SLC5A8: variants seen among roughly 807,000 people sequenced by gnomAD.
SLC5A8 encodes the protein solute carrier family 5 member 8, also known as sodium-coupled monocarboxylate transporter 1.
Under a neutral mutation model 71.9 loss-of-function variants are expected in SLC5A8, and 55 were observed. The observed-to-expected ratio is 0.77, with a 90% confidence interval of 0.62 to 0.96. The LOEUF is 0.96. Ranked by LOEUF, SLC5A8 falls within the 40% of genes least tolerant of loss-of-function variation. SLC5A8 has a pLI of 0.00. For missense variants in SLC5A8, 701 were observed against 745.3 expected, an observed-to-expected ratio of 0.94 and a Z score of 0.69; for synonymous variants, 307 against 276.1, an observed-to-expected ratio of 1.11 and a Z score of -1.11.
Position 101,158,324 on chromosome 12 carries a change from TCCTCCTGG to T in SLC5A8, c.1631-4_1634del. 6.3e-7 allele frequency: 1 copy of T among 1,579,550 alleles called. No homozygotes were observed. Among genetic ancestry groups the T allele is most frequent in the Non-Finnish European group, 8.6e-7 (1 of 1,158,832 alleles). ...ATCTGGGGTCTAAGTTCTGTTTTCT[TCCTCCTGG>T]AAAAAAAAATGTACATGACTTACGT... On this transcript the variant is annotated splice_acceptor_variant and splice_polypyrimidine_tract_variant and coding_sequence_variant and intron_variant, in exon 14 of 15. Coordinates refer to ENST00000536262, the MANE Select transcript of SLC5A8 (RefSeq NM_145913.5). LOFTEE classifies it high-confidence loss of function.
At chr12:101,209,475 T>TTCC in intron 1 of SLC5A8, 23 bp downstream of exon 1, 6 of 1,444,714 alleles carry the variant, frequency 4.2e-6, no homozygotes, top group African/African-American at 1.4e-5. Context: ...CCCTGCATGG[T>TTCC]CCCAGCCCAC....
intron 1 of SLC5A8, among the ~76,000 whole-genome samples, chr12:101,204,797 A>G (rs1201896220): frequency 2.0e-5 from 3 of 152,190 alleles, no homozygotes; most frequent in Non-Finnish European, 4.4e-5. Context: ...TGTCACAATC[A>G]GGACACAAGA....
At position 101,164,391 on chromosome 12, in the gene SLC5A8, C is replaced by A. The variant is rs369635491; in HGVS notation, c.1526+2103G>T. Among the ~76,000 whole-genome samples, 86 of 152,186 alleles carry A rather than the reference C, an allele frequency of 5.7e-4. 2 individuals are homozygous for A. The South Asian group carries it at 0.017, about 31-fold the overall frequency. On this transcript the variant is annotated intron_variant, in intron 12 of 14. Coordinates refer to ENST00000536262, the MANE Select transcript of SLC5A8 (RefSeq NM_145913.5). ...ATCTTAAGGGAAATACAAATTAAAA[C>A]CACAGCAAGCTACCAATGTAACCAT...
intron 14 of SLC5A8, among the ~76,000 whole-genome samples, chr12:101,157,750 G>T (rs2051679963): frequency 6.6e-6 from 1 of 152,094 alleles, no homozygotes; most frequent in African/African-American, 2.4e-5. Flanking sequence ...AGGATAGACA[G>T]ATATAGAGAG....
At chr12:101,162,192 TG>T in intron 12 of SLC5A8, 115 bp from the exon 13 acceptor site, 1 of 674,290 alleles carries the variant, frequency 1.5e-6, no homozygotes, top group East Asian at 2.5e-5. Flanking sequence ...ATGTTTTTAA[TG>T]TCATAACCTG....
rs1444698361 is a variant in SLC5A8 at position 101,168,191 on chromosome 12, A to G, written c.1234-9T>C. The G allele has an allele frequency of 6.3e-7, 1 of 1,592,632 alleles. No individual in the cohort carries two copies. Among genetic ancestry groups the G allele is most frequent in the Non-Finnish European group, 8.5e-7 (1 of 1,170,270 alleles). ...AATACGCTGAGTGCTGCCTACAAAAATAATACAACGTCAGCAATTAGCAAT... is the reference window on the plus strand; with the variant it reads ...AATACGCTGAGTGCTGCCTACAAAAGTAATACAACGTCAGCAATTAGCAAT... On this transcript the variant is annotated splice_polypyrimidine_tract_variant and intron_variant, in intron 10 of 14. Coordinates refer to ENST00000536262, the MANE Select transcript of SLC5A8 (RefSeq NM_145913.5).
intron 10 of SLC5A8, among the ~76,000 whole-genome samples, chr12:101,174,638 A>C (rs2051862505): frequency 6.6e-6 from 1 of 152,186 alleles, no homozygotes; most frequent in Non-Finnish European, 1.5e-5. Context: ...CCAGGGTTGT[A>C]AATTCCTACA....
In SLC5A8 at chr12:101,200,615, A is replaced by G. The variant is rs2671445; in HGVS notation, c.469+1549T>C. On this transcript the variant is annotated intron_variant, in intron 3 of 14. Coordinates refer to ENST00000536262, the MANE Select transcript of SLC5A8 (RefSeq NM_145913.5). ...ATATGAAATTAAGAAATTAATATTA[A>G]TATTTTAGGTACAATGATGGTATGA... Among the ~76,000 whole-genome samples the G allele has an allele frequency of 2.0e-5, 3 of 152,040 alleles. No homozygotes were observed. The East Asian group carries it at 5.8e-4, about 29-fold the overall frequency.
chr12:101,168,033 A>G (rs78712766), intron 11 of SLC5A8, 63 bp downstream of exon 11: 45,745 of 1,433,444 alleles, frequency 0.032, 976 homozygotes, highest in Non-Finnish European at 0.033. Context: ...CTGAGAAAAA[A>G]GTGTAGAGCT....
chr12:101,177,071 G>A (rs2051885870), intron 10 of SLC5A8, among the ~76,000 whole-genome samples: 1 of 152,018 alleles, frequency 6.6e-6, no homozygotes, highest in South Asian at 2.1e-4. Flanking sequence ...ATTAGGAATG[G>A]AACAGGGGCT....
At chr12:101,170,265 T>A (rs201472095) in intron 10 of SLC5A8, among the ~76,000 whole-genome samples, 1 of 152,064 alleles carries the variant, frequency 6.6e-6, no homozygotes, top group Non-Finnish European at 1.5e-5. Flanking sequence ...CCACAGGAGG[T>A]GAAAGACCCT....
rs557868289 is a variant in SLC5A8 at position 101,204,666 on chromosome 12, A to G, written c.352-101T>C. 3 of 728,738 alleles carry G rather than the reference A, an allele frequency of 4.1e-6. No individual in the cohort carries two copies. The East Asian group carries it at 8.1e-5, about 20-fold the overall frequency. 45.1% of individuals were successfully genotyped at this position (728,738 alleles called of 1,614,324 possible). On this transcript the variant is annotated intron_variant, in intron 1 of 14. Coordinates refer to ENST00000536262, the MANE Select transcript of SLC5A8 (RefSeq NM_145913.5). ...ATTTAGAAATGTAAAGCAACTTCAT[A>G]ACTGATTTGTATTCTGTATTTTTAT... is the stretch of plus-strand genomic sequence containing the variant.
intron 8 of SLC5A8, 148 bp from the exon 9 acceptor site, chr12:101,183,063 T>TTTTTTTTTG (rs1868442001): frequency 2.4e-6 from 1 of 424,406 alleles, no homozygotes. Flanking sequence ...TTTTTTTTTT[T>TTTTTTTTTG]GAGACGGAGT....
intron 5 of SLC5A8, among the ~76,000 whole-genome samples, chr12:101,191,830 G>A (rs1029366432): frequency 6.6e-6 from 1 of 152,140 alleles, no homozygotes; most frequent in African/African-American, 2.4e-5. Flanking sequence ...GCTTTTTATT[G>A]TTACTTAATG....
rs181871905 is a variant in SLC5A8, at chr12:101,170,383, A to G, written c.1234-2201T>C. 6.1e-4 allele frequency among the ~76,000 whole-genome samples: 93 copies of G among 152,264 alleles called. 3 individuals are homozygous for G. In the East Asian group the frequency reaches 0.017, roughly 28 times the overall value. ...ATAAAATTAAAAATCCTGACATTCCATATAAAATAAACATAAGAAGACTCT... is the reference window on the plus strand; with the variant it reads ...ATAAAATTAAAAATCCTGACATTCCGTATAAAATAAACATAAGAAGACTCT... On this transcript the variant is annotated intron_variant, in intron 10 of 14. Transcript: ENST00000536262.
chr12:101,206,889 T>C (rs1869701807), intron 1 of SLC5A8, among the ~76,000 whole-genome samples: 1 of 152,194 alleles, frequency 6.6e-6, no homozygotes, highest in African/African-American at 2.4e-5. Context: ...CTATCAGGAC[T>C]ACATTTTGAA....
At chr12:101,206,764 G>A (rs1812837880) in intron 1 of SLC5A8, among the ~76,000 whole-genome samples, 1 of 152,150 alleles carries the variant, frequency 6.6e-6, no homozygotes, top group African/African-American at 2.4e-5. Flanking sequence ...AGAAACATAA[G>A]GTCTAAGCAA....
Position 101,187,384 on chromosome 12 carries a change from A to G in SLC5A8, c.963+2T>C, listed in dbSNP as rs1868695772. On this transcript the variant is annotated splice_donor_variant, in intron 7 of 14. Coordinates refer to ENST00000536262, the MANE Select transcript of SLC5A8 (RefSeq NM_145913.5). LOFTEE classifies it high-confidence loss of function. ...ACCTGTAAGAAAGACATGGTACTGA[A>G]CCTGGTCTGGTGCAGACACTTTCTT... 2 of 1,613,028 alleles carry G rather than the reference A, an allele frequency of 1.2e-6. No homozygotes were observed. The highest frequency in any genetic ancestry group is 1.7e-6 in the Non-Finnish European group (2 of 1,179,542).
chr12:101,161,426 T>C (rs1593360290), intron 13 of SLC5A8, among the ~76,000 whole-genome samples: 2 of 152,200 alleles, frequency 1.3e-5, no homozygotes, highest in East Asian at 1.9e-4. Flanking sequence ...TTATATACTA[T>C]GTGTATCAAT....
Sources: allele counts gnomAD v4.1 joint callset (sites outside exome capture counted in the v4.1 genomes callset), GRCh38; gene constraint gnomAD v4.1.1; transcripts MANE v1.5; gene names NCBI Gene and HGNC (gene_info 2026-07-23, HGNC 2026-07-21).